Variants in RAD54L2 observed in about 807,000 individuals in gnomAD.
RAD54L2 encodes RAD54 like 2.
Under a neutral mutation model 138.4 loss-of-function variants are expected in RAD54L2, and 27 were observed. That is an observed-to-expected ratio of 0.20 (90% CI 0.14 to 0.27). The LOEUF (loss-of-function observed/expected upper bound fraction) is 0.27, where lower values mean the gene tolerates loss of function less well. Ranked by LOEUF, RAD54L2 falls within the 10% of genes least tolerant of loss-of-function variation. The probability of loss-of-function intolerance (pLI) is 1.00; values close to 1 mark genes in which losing one functional copy is unlikely to be tolerated. For missense variants in RAD54L2, 1,396 were observed against 1,890.2 expected, an observed-to-expected ratio of 0.74 and a Z score of 4.85; for synonymous variants, 644 against 723.2, an observed-to-expected ratio of 0.89 and a Z score of 1.76.
intron 2 of RAD54L2, among the ~76,000 whole-genome samples, chr3:51,560,579 G>A (rs1699075957): frequency 6.6e-6 from 1 of 151,748 alleles, no homozygotes; most frequent in African/African-American, 2.4e-5. Flanking sequence ...GCCAGGCTGC[G>A]ATCTCCTGAC....
rs1347573593 is a variant in RAD54L2 at position 51,665,332 on chromosome 3, C to T, written c.*1912C>T. 2 of 152,192 alleles carry T rather than the reference C, an allele frequency of 1.3e-5. No individual in the cohort carries two copies. The highest frequency in any genetic ancestry group is 4.8e-5 in the African/African-American group (2 of 41,434). The allele number at this position is 152,192 out of a possible 1,614,324, so 9.4% of individuals were successfully genotyped here. ...CTTAGTCAGGTCATCCCAGTAGTAG[C>T]TCCTACAGCTCTTCTGACCAGCCCA... On this transcript the variant is annotated 3_prime_UTR_variant, in exon 23 of 23. Coordinates refer to ENST00000684192, the MANE Select transcript of RAD54L2 (RefSeq NM_015106.4).
At position 51,602,808 on chromosome 3, in the gene RAD54L2, C is replaced by T. The variant is rs539332538; in HGVS notation, c.139+12249C>T. On this transcript the variant is annotated intron_variant, in intron 3 of 22. Coordinates refer to ENST00000684192, the MANE Select transcript of RAD54L2 (RefSeq NM_015106.4). ...TTAGTAGGTAGAGATAAATGGTAAACAAGTATATAAACAATATGTCAGAAG... is the reference window on the plus strand; with the variant it reads ...TTAGTAGGTAGAGATAAATGGTAAATAAGTATATAAACAATATGTCAGAAG... 6.0e-4 allele frequency among the ~76,000 whole-genome samples: 91 copies of T among 152,126 alleles called. 1 individual carries two copies. Among genetic ancestry groups the T allele is most frequent in the African/African-American group, 1.5e-3 (64 of 41,496 alleles).
rs2106866448 is a variant in RAD54L2 at position 51,664,624 on chromosome 3, A to C, written c.*1204A>C. The C allele has an allele frequency of 6.6e-6, 1 of 152,296 alleles. No homozygotes were observed. Among genetic ancestry groups the C allele is most frequent in the African/African-American group, 2.4e-5 (1 of 41,572 alleles). The allele number at this position is 152,296 out of a possible 1,614,324, so 9.4% of individuals were successfully genotyped here. A position where few individuals can be genotyped will look rare whatever the true frequency, so the allele number is the denominator to read the frequency against. Reference sequence around the variant, plus strand: ...TTAAGATATCCCAGACCCTATAGCCACTGGTGAAAAACAATCCTGGATGGA... The same window carrying C: ...TTAAGATATCCCAGACCCTATAGCCCCTGGTGAAAAACAATCCTGGATGGA... On this transcript the variant is annotated 3_prime_UTR_variant, in exon 23 of 23. Coordinates refer to ENST00000684192, the MANE Select transcript of RAD54L2 (RefSeq NM_015106.4).
intron 13 of RAD54L2, 40 bp from the exon 14 acceptor site, chr3:51,639,840 GC>G: frequency 6.6e-7 from 1 of 1,514,242 alleles, no homozygotes; most frequent in Non-Finnish European, 9.0e-7. Context: ...TAGTGATCTG[GC>G]CTTGGACCTG....
intron 2 of RAD54L2, among the ~76,000 whole-genome samples, chr3:51,579,379 A>G (rs1286603258): frequency 6.6e-6 from 1 of 152,150 alleles, no homozygotes; most frequent in Non-Finnish European, 1.5e-5. Flanking sequence ...TCCAGGCTTG[A>G]GGGTGGGGCC....
chr3:51,608,312 G>C (rs1241219545), intron 3 of RAD54L2, among the ~76,000 whole-genome samples: 3 of 151,870 alleles, frequency 2.0e-5, no homozygotes, highest in Non-Finnish European at 4.4e-5. Flanking sequence ...ATGGGATGAC[G>C]GCCGGGAAGA....
chr3:51,555,238 C>G (rs1221344631), intron 2 of RAD54L2, among the ~76,000 whole-genome samples: 4 of 152,156 alleles, frequency 2.6e-5, no homozygotes, highest in Non-Finnish European at 5.9e-5. Context: ...CTCCCCTCCC[C>G]CACTGTAGTT....
intron 2 of RAD54L2, among the ~76,000 whole-genome samples, chr3:51,579,811 T>A (rs1699567175): frequency 6.6e-6 from 1 of 152,184 alleles, no homozygotes; most frequent in Non-Finnish European, 1.5e-5. Flanking sequence ...TTGAAATAAT[T>A]CCACAGTTTA....
rs528664447 is a variant in RAD54L2 at position 51,664,553 on chromosome 3, G to T, written c.*1133G>T. 10 of 152,226 alleles carry T rather than the reference G, an allele frequency of 6.6e-5. No individual in the cohort carries two copies. Among genetic ancestry groups the T allele is most frequent in the African/African-American group, 1.2e-4 (5 of 41,522 alleles). 9.4% of individuals were successfully genotyped at this position (152,226 alleles called of 1,614,324 possible). On this transcript the variant is annotated 3_prime_UTR_variant, in exon 23 of 23. Transcript: ENST00000684192. ...TCATGTGTCTTGTTTATTTGGGGGTGGGGGGAGGTTAGGGGTAAGGAGGGT... is the reference window on the plus strand; with the variant it reads ...TCATGTGTCTTGTTTATTTGGGGGTTGGGGGAGGTTAGGGGTAAGGAGGGT...
At chr3:51,659,132 G>A (rs962363170) in intron 21 of RAD54L2, among the ~76,000 whole-genome samples, 2 of 130,654 alleles carry the variant, frequency 1.5e-5, no homozygotes, top group African/African-American at 6.0e-5. Context: ...TTGAGGCAGA[G>A]TCTCGCTCTG....
chr3:51,586,567 C>CTTTT (rs35274115), intron 2 of RAD54L2, among the ~76,000 whole-genome samples: 1 of 136,822 alleles, frequency 7.3e-6, no homozygotes, highest in Non-Finnish European at 1.6e-5. Flanking sequence ...AAAGAAAACA[C>CTTTT]TTTTTTTTTT....
At chr3:51,622,955 A>C (rs994262563) in intron 3 of RAD54L2, among the ~76,000 whole-genome samples, 2 of 152,246 alleles carry the variant, frequency 1.3e-5, no homozygotes, top group Non-Finnish European at 2.9e-5. Context: ...ATGCCCAGCC[A>C]GTAAGGCTGG....
At chr3:51,655,867 A>G (rs1577467324) in intron 19 of RAD54L2, 104 bp from the exon 20 acceptor site, 1 of 962,750 alleles carries the variant, frequency 1.0e-6, no homozygotes, top group Middle Eastern at 2.3e-4. Flanking sequence ...CTGAGCATCA[A>G]CTGATGGTGT....
At chr3:51,567,601 TAGC>T (rs776999141) in intron 2 of RAD54L2, among the ~76,000 whole-genome samples, 9 of 152,322 alleles carry the variant, frequency 5.9e-5, no homozygotes, top group Non-Finnish European at 1.2e-4. Flanking sequence ...TTGATCAAGA[TAGC>T]AGCAGCACTA....
In RAD54L2 at chr3:51,641,782, A is replaced by G; in HGVS notation, c.2265A>G (p.Glu755=). The change falls in exon 15 of 23, where the codon GAA becomes GAG. Residue 755 remains glutamate (E), a synonymous_variant. Transcript: ENST00000684192. The part of the protein sequence containing the change: ...QSLSTLALIE[E]FLGKREVPCP... ...TTTCCACCTTGGCTCTCATCGAGGA[A>G]TTCCTTGGAAAACGAGAAGTACCCT... 1 of 1,598,496 alleles carries G rather than the reference A, an allele frequency of 6.3e-7. No homozygotes were observed. Among genetic ancestry groups the G allele is most frequent in the Non-Finnish European group, 8.5e-7 (1 of 1,172,122 alleles).
intron 2 of RAD54L2, among the ~76,000 whole-genome samples, chr3:51,559,400 ATATCT>A (rs1699049384): frequency 6.6e-6 from 1 of 152,246 alleles, no homozygotes; most frequent in East Asian, 1.9e-4. Context: ...TATGTCCCAG[ATATCT>A]TAAATTTAGT....
intron 3 of RAD54L2, among the ~76,000 whole-genome samples, chr3:51,621,840 C>T (rs4687592): frequency 0.11 from 17,113 of 152,136 alleles, 1,908 homozygotes; most frequent in East Asian, 0.33. Context: ...CAAGTGTAGT[C>T]GGTATGTTGT....
intron 2 of RAD54L2, among the ~76,000 whole-genome samples, chr3:51,586,182 C>A (rs1370820703): frequency 1.3e-5 from 2 of 152,096 alleles, no homozygotes; most frequent in Non-Finnish European, 2.9e-5. Context: ...CCCACCAAGA[C>A]CAGCCTTTCC....
At position 51,571,246 on chromosome 3, in the gene RAD54L2, A is replaced by C. The variant is rs4258958; in HGVS notation, c.-54-19121A>C. Among the ~76,000 whole-genome samples, 729 of 152,180 alleles carry C rather than the reference A, an allele frequency of 4.8e-3. 2 individuals are homozygous for C. Among genetic ancestry groups the C allele is most frequent in the Middle Eastern group, 0.01 (3 of 294 alleles). On this transcript the variant is annotated intron_variant, in intron 2 of 22. Coordinates refer to ENST00000684192, the MANE Select transcript of RAD54L2 (RefSeq NM_015106.4). Reference sequence around the variant, plus strand: ...CATTAAAATATTTTCTCAGGCTTTTAGTTCATCCCAGCCTTTGCCCCTTGT... The same window carrying C: ...CATTAAAATATTTTCTCAGGCTTTTCGTTCATCCCAGCCTTTGCCCCTTGT...
Sources: allele counts gnomAD v4.1 joint callset (sites outside exome capture counted in the v4.1 genomes callset), GRCh38; gene constraint gnomAD v4.1.1; transcripts MANE v1.5; gene names NCBI Gene and HGNC (gene_info 2026-07-23, HGNC 2026-07-21).